Variants in DMD observed in about 807,000 individuals in gnomAD.
The protein encoded by DMD is dystrophin.
Under a neutral mutation model 330.1 loss-of-function variants are expected in DMD, and 63 were observed. The observed-to-expected ratio is 0.19, with a 90% CI of 0.16 to 0.24. The LOEUF is 0.24. DMD is among the 10% of genes least tolerant of loss of function. The pLI, the probability that DMD is intolerant of heterozygous loss-of-function variation, is 1.00. For missense variants in DMD, 3,344 were observed against 2,684.1 expected, an observed-to-expected ratio of 1.25 and a Z score of -5.43; for synonymous variants, 1,223 against 959.8, an observed-to-expected ratio of 1.27 and a Z score of -5.07.
rs188888800 is a variant in DMD, at chrX:31,944,002, A to T, written c.6615-11775T>A. Among the ~76,000 whole-genome samples, 37 of 110,572 alleles carry T rather than the reference A, an allele frequency of 3.3e-4. 2 individuals carry two copies. Among genetic ancestry groups the T allele is most frequent in the African/African-American group, 1.2e-3 (35 of 30,413 alleles). Reference sequence around the variant, plus strand: ...GGGTATTTCCGTTTCACTTATTTAAACTCTGCACATAATTGCAGCTAAGTT... The same window carrying T: ...GGGTATTTCCGTTTCACTTATTTAATCTCTGCACATAATTGCAGCTAAGTT... On this transcript the variant is annotated intron_variant, in intron 45 of 78. Transcript: ENST00000357033.
intron 62 of DMD, among the ~76,000 whole-genome samples, chrX:31,267,701 A>T (rs1000660620): frequency 8.9e-6 from 1 of 112,635 alleles, no homozygotes; most frequent in Admixed American, 9.3e-5. Flanking sequence ...TTTCTAATAG[A>T]ATATTTTATT....
At chrX:31,220,545 T>C (rs2045898038) in intron 64 of DMD, among the ~76,000 whole-genome samples, 1 of 111,763 alleles carries the variant, frequency 8.9e-6, no homozygotes, top group African/African-American at 3.3e-5. Flanking sequence ...TCCTGGCCAT[T>C]CCTTTGCAGT....
At chrX:32,507,583 G>A (rs1386431081) in intron 18 of DMD, among the ~76,000 whole-genome samples, 4 of 111,276 alleles carry the variant, frequency 3.6e-5, no homozygotes, top group African/African-American at 9.8e-5. Context: ...AATAGTCTCA[G>A]TAACAACCAC....
At chrX:31,451,205 C>T (rs73617088) in intron 59 of DMD, among the ~76,000 whole-genome samples, 3 of 83,470 alleles carry the variant, frequency 3.6e-5, no homozygotes, top group African/African-American at 1.4e-4. Context: ...TTTCTTTCTT[C>T]CTTTCTTTTT....
chrX:32,618,168 T>C (rs2057724190), intron 11 of DMD, among the ~76,000 whole-genome samples: 2 of 112,062 alleles, frequency 1.8e-5, no homozygotes, highest in Middle Eastern at 4.2e-3. Flanking sequence ...TTATTGTGTA[T>C]ACACTTAAAG....
intron 7 of DMD, among the ~76,000 whole-genome samples, chrX:32,804,107 T>G (rs183163670): frequency 9.0e-6 from 1 of 111,026 alleles, no homozygotes; most frequent in East Asian, 2.9e-4. Flanking sequence ...CAGTGGTGCC[T>G]GGAACGCCAG....
At chrX:31,324,897 G>A (rs779067845) in intron 61 of DMD, among the ~76,000 whole-genome samples, 111 of 112,265 alleles carry the variant, frequency 9.9e-4, no homozygotes, top group African/African-American at 3.2e-3. Context: ...CAATTTAAGC[G>A]TAATGAAACT....
At chrX:31,391,439 C>A (rs939148007) in intron 60 of DMD, among the ~76,000 whole-genome samples, 1 of 111,747 alleles carries the variant, frequency 8.9e-6, no homozygotes, top group East Asian at 2.8e-4. Flanking sequence ...TATATTAATG[C>A]TAACATTTTT....
At chrX:31,800,767 A>G (rs955094279) in intron 50 of DMD, among the ~76,000 whole-genome samples, 1 of 111,599 alleles carries the variant, frequency 9.0e-6, no homozygotes, top group Middle Eastern at 4.2e-3. Flanking sequence ...TCAAATTTCC[A>G]CAGATCTCTA....
At chrX:32,834,848 C>G (rs762722331) in intron 4 of DMD, among the ~76,000 whole-genome samples, 1 of 111,308 alleles carries the variant, frequency 9.0e-6, no homozygotes, top group African/African-American at 3.3e-5. Context: ...CAACACTATA[C>G]CTTTTGTATG....
chrX:32,829,077 TTGTATTTCATTCAAAAGTAAAAC>T (rs2078972039), intron 4 of DMD, among the ~76,000 whole-genome samples: 1 of 111,852 alleles, frequency 8.9e-6, no homozygotes. Flanking sequence ...CAACAAAATT[TTGTATTTCATTCAAAAGTAAAAC>T]TGTCTTACAG....
intron 18 of DMD, among the ~76,000 whole-genome samples, chrX:32,510,087 A>G (rs1242197198): frequency 8.9e-6 from 1 of 112,133 alleles, no homozygotes; most frequent in Non-Finnish European, 1.9e-5. Flanking sequence ...ATATATTATC[A>G]ACACAGCAGA....
intron 1 of DMD, among the ~76,000 whole-genome samples, chrX:33,298,005 T>C (rs1455083134): frequency 9.0e-6 from 1 of 111,423 alleles, no homozygotes; most frequent in African/African-American, 3.3e-5. Flanking sequence ...ATGTTAATTA[T>C]ATCAAAATAC....
At chrX:31,912,139 C>T (rs894607240) in intron 47 of DMD, among the ~76,000 whole-genome samples, 2 of 110,930 alleles carry the variant, frequency 1.8e-5, no homozygotes, top group Admixed American at 9.7e-5. Flanking sequence ...GGTCACTGTT[C>T]ACTGGTCTCC....
chrX:32,175,559 G>A (rs1425231083), intron 44 of DMD, among the ~76,000 whole-genome samples: 2 of 110,911 alleles, frequency 1.8e-5, no homozygotes, highest in Non-Finnish European at 3.8e-5. Context: ...AGCTGTAACA[G>A]TCACCGCAGA....
chrX:31,973,835 C>G (rs2095417102), intron 44 of DMD, among the ~76,000 whole-genome samples: 1 of 111,648 alleles, frequency 9.0e-6, no homozygotes, highest in Non-Finnish European at 1.9e-5. Context: ...TTAAGCATGA[C>G]CGAATGAGGG....
chrX:32,999,781 C>CAA (rs1437477637), intron 2 of DMD, among the ~76,000 whole-genome samples: 3,701 of 100,637 alleles, frequency 0.037, 124 homozygotes, highest in East Asian at 0.17. Flanking sequence ...ATCTCAAAAA[C>CAA]AAAAACAAAA....
At chrX:31,931,254 T>C (rs1321142950) in intron 46 of DMD, among the ~76,000 whole-genome samples, 1 of 110,620 alleles carries the variant, frequency 9.0e-6, no homozygotes, top group African/African-American at 3.3e-5. Context: ...TAAATATTAA[T>C]TTCTCTTCCC....
chrX:31,806,504 C>T (rs2092295743), intron 50 of DMD, among the ~76,000 whole-genome samples: 1 of 112,504 alleles, frequency 8.9e-6, no homozygotes, highest in Middle Eastern at 4.6e-3. Context: ...GTTTTCTTCA[C>T]TCTAGGGTTC....
Sources: gnomAD v4.1 joint callset for allele counts (sites outside exome capture counted in the v4.1 genomes callset) on GRCh38, gnomAD v4.1.1 for gene constraint, MANE v1.5 for transcripts, NCBI Gene and HGNC (gene_info 2026-07-23, HGNC 2026-07-21) for gene names.